The following KCNMB2 variants were observed in gnomAD, a reference collection of about 807,000 sequenced individuals.
KCNMB2 encodes potassium calcium-activated channel subfamily M regulatory beta subunit 2.
A neutral mutation model predicts 24.5 loss-of-function variants in KCNMB2; 9 were observed. The observed-to-expected ratio is 0.37, with a 90% CI of 0.22 to 0.64. KCNMB2 has a LOEUF of 0.64. KCNMB2 is among the 30% of genes least tolerant of loss of function. KCNMB2 has a pLI of 0.63. For missense variants in KCNMB2, 226 were observed against 284.3 expected (o/e 0.79, Z 1.47); for synonymous variants, 109 against 104.4 (o/e 1.04, Z -0.27).
At chr3:178,841,105 T>C (rs938513631) in intron 4 of KCNMB2, among the ~76,000 whole-genome samples, 2 of 152,242 alleles carry the variant, frequency 1.3e-5, no homozygotes, top group African/African-American at 4.8e-5. Flanking sequence ...TTCTGTCAGA[T>C]ATCCTAATTC....
rs146264040 is a variant in KCNMB2, at chr3:178,792,702, G to A, written c.-67-14641G>A. Among the ~76,000 whole-genome samples, 129 of 152,290 alleles carry A rather than the reference G, an allele frequency of 8.5e-4. 2 individuals carry two copies. In the East Asian group the frequency reaches 0.02, roughly 24 times the overall value. ...ACACTTCACCTATATATACACATAG[G>A]CTAAAGACAAAGGAGTGGAAAAAGA... is the stretch of plus-strand genomic sequence containing the variant. On this transcript the variant is annotated intron_variant, in intron 1 of 4. Coordinates refer to ENST00000452583, the MANE Select transcript of KCNMB2 (RefSeq NM_181361.3).
intron 1 of KCNMB2, among the ~76,000 whole-genome samples, chr3:178,649,621 T>C (rs1257788038): frequency 1.2e-4 from 19 of 152,166 alleles, no homozygotes; most frequent in Non-Finnish European, 2.6e-4. Context: ...TCCAAGAATG[T>C]ATCCATTTCT....
At chr3:178,735,548 G>A (rs745968257) in intron 1 of KCNMB2, among the ~76,000 whole-genome samples, 2 of 152,172 alleles carry the variant, frequency 1.3e-5, no homozygotes, top group Non-Finnish European at 2.9e-5. Context: ...TCAAGTTCCA[G>A]CTCCTTCACA....
At chr3:178,592,058 A>G (rs934510546) in intron 1 of KCNMB2, among the ~76,000 whole-genome samples, 13 of 152,082 alleles carry the variant, frequency 8.5e-5, no homozygotes, top group African/African-American at 3.1e-4. Flanking sequence ...TCAAGTTTGT[A>G]TCTTTCTATG....
chr3:178,695,220 A>G (rs1283616099), intron 1 of KCNMB2, among the ~76,000 whole-genome samples: 1 of 152,234 alleles, frequency 6.6e-6, no homozygotes, highest in African/African-American at 2.4e-5. Flanking sequence ...GCTGGGATAC[A>G]GGGAACCAAG....
intron 2 of KCNMB2, among the ~76,000 whole-genome samples, chr3:178,816,611 T>C (rs1714412226): frequency 6.6e-6 from 1 of 152,174 alleles, no homozygotes; most frequent in Non-Finnish European, 1.5e-5. Context: ...TTTGAAACTA[T>C]ATATTTCTAT....
chr3:178,540,591 T>A lies in KCNMB2; in HGVS notation c.-68+3880T>A, dbSNP rs1715583100. 3.9e-5 allele frequency among the ~76,000 whole-genome samples: 6 copies of A among 152,226 alleles called. No homozygotes were observed. In the South Asian group the frequency reaches 1.2e-3, roughly 31 times the overall value. On this transcript the variant is annotated intron_variant, in intron 1 of 4. Coordinates refer to ENST00000452583, the MANE Select transcript of KCNMB2 (RefSeq NM_181361.3). ...CCACCACGCTGGCCTCCTGGGCTAGTGCTCAAATCCACCAAGCACTCTCAA... is the reference window on the plus strand; with the variant it reads ...CCACCACGCTGGCCTCCTGGGCTAGAGCTCAAATCCACCAAGCACTCTCAA...
chr3:178,825,946 TGG>T (rs1184397833), intron 3 of KCNMB2, among the ~76,000 whole-genome samples, 188 bp downstream of exon 3: 1 of 152,196 alleles, frequency 6.6e-6, no homozygotes, highest in African/African-American at 2.4e-5. Flanking sequence ...ATGTATAATC[TGG>T]ATACCAGGTG....
intron 1 of KCNMB2, among the ~76,000 whole-genome samples, chr3:178,636,967 C>T (rs1211027249): frequency 6.6e-6 from 1 of 152,132 alleles, no homozygotes; most frequent in Non-Finnish European, 1.5e-5. Context: ...GTTTTCAGTT[C>T]TTGCATTAGT....
intron 1 of KCNMB2, among the ~76,000 whole-genome samples, chr3:178,684,886 T>G (rs1320073784): frequency 6.6e-6 from 1 of 152,200 alleles, no homozygotes. Context: ...CTTTTTACTA[T>G]CTCCATATAT....
At chr3:178,681,924 G>C (rs568996894) in intron 1 of KCNMB2, among the ~76,000 whole-genome samples, 4 of 152,156 alleles carry the variant, frequency 2.6e-5, no homozygotes, top group Non-Finnish European at 5.9e-5. Context: ...CTCAACTTGA[G>C]ACTTAAAACT....
intron 1 of KCNMB2, among the ~76,000 whole-genome samples, chr3:178,557,117 C>G (rs751698570): frequency 2.0e-5 from 3 of 152,156 alleles, no homozygotes; most frequent in Non-Finnish European, 4.4e-5. Context: ...GGTTATCAAC[C>G]CTTTCTTAAC....
intron 1 of KCNMB2, among the ~76,000 whole-genome samples, chr3:178,748,712 A>G (rs908504550): frequency 6.6e-6 from 1 of 152,220 alleles, no homozygotes; most frequent in African/African-American, 2.4e-5. Context: ...AATAGAAGCT[A>G]GCTATTGAAA....
intron 1 of KCNMB2, among the ~76,000 whole-genome samples, chr3:178,781,094 A>C (rs1302824448): frequency 6.6e-6 from 1 of 152,084 alleles, no homozygotes; most frequent in Admixed American, 6.5e-5. Flanking sequence ...TACATGATGA[A>C]ATTGTAATAT....
intron 1 of KCNMB2, among the ~76,000 whole-genome samples, chr3:178,760,434 G>GAT (rs1375105623): frequency 7.6e-6 from 1 of 132,450 alleles, no homozygotes; most frequent in African/African-American, 2.9e-5. Context: ...CCATATCCAA[G>GAT]ATATATATAT....
intron 1 of KCNMB2, among the ~76,000 whole-genome samples, chr3:178,622,657 C>T (rs1718964671): frequency 1.3e-5 from 2 of 152,204 alleles, no homozygotes; most frequent in South Asian, 4.1e-4. Context: ...GAACCTTGAT[C>T]TTGCTGTGAT....
At chr3:178,665,675 C>T (rs1438274082) in intron 1 of KCNMB2, among the ~76,000 whole-genome samples, 1 of 152,154 alleles carries the variant, frequency 6.6e-6, no homozygotes, top group Non-Finnish European at 1.5e-5. Flanking sequence ...GAATCTGTCA[C>T]CTGCTTAATA....
intron 1 of KCNMB2, among the ~76,000 whole-genome samples, chr3:178,543,563 C>G (rs1276575347): frequency 6.6e-6 from 1 of 152,302 alleles, no homozygotes; most frequent in East Asian, 1.9e-4. Context: ...ATAAAAATGT[C>G]ACTACCTCCA....
intron 3 of KCNMB2, among the ~76,000 whole-genome samples, chr3:178,827,700 C>T (rs1380543470): frequency 6.6e-6 from 1 of 152,206 alleles, no homozygotes; most frequent in African/African-American, 2.4e-5. Context: ...TGACCCTCCA[C>T]TCCTTTGCCA....
Sources: gnomAD v4.1 joint callset for allele counts (sites outside exome capture counted in the v4.1 genomes callset) on GRCh38, gnomAD v4.1.1 for gene constraint, MANE v1.5 for transcripts, NCBI Gene and HGNC (gene_info 2026-07-23, HGNC 2026-07-21) for gene names.